Variants in TXNL1 observed in about 807,000 individuals in gnomAD.
TXNL1 encodes thioredoxin-like protein 1.
In TXNL1, 14 loss-of-function variants were observed where a neutral mutation model predicts 35.5. That is an observed-to-expected ratio of 0.39 (90% CI 0.26 to 0.62). The LOEUF (loss-of-function observed/expected upper bound fraction) is 0.62. TXNL1 is among the 20% of genes least tolerant of loss of function. The pLI, the probability that TXNL1 is intolerant of heterozygous loss-of-function variation, is 0.47. For synonymous variants in TXNL1, 110 were observed against 115.5 expected (o/e 0.95, Z 0.31); for missense variants, 263 against 349.7 (o/e 0.75, Z 1.98).
At chr18:56,611,164 A>C in intron 6 of TXNL1, 67 bp from the exon 7 acceptor site, 7 of 1,023,660 alleles carry the variant, frequency 6.8e-6, no homozygotes, top group Non-Finnish European at 1.0e-5. Context: ...AGTTTAATCA[A>C]TTTCCTTAAA....
chr18:56,621,791 G>A (rs1367553564), intron 3 of TXNL1, among the ~76,000 whole-genome samples: 1 of 151,896 alleles, frequency 6.6e-6, no homozygotes, highest in Non-Finnish European at 1.5e-5. Context: ...CCTGAGGTCA[G>A]GAGTTTGAGA....
At chr18:56,612,614 T>C (rs563580181) in intron 6 of TXNL1, among the ~76,000 whole-genome samples, 43 of 152,302 alleles carry the variant, frequency 2.8e-4, no homozygotes, top group African/African-American at 9.9e-4. Context: ...GTGCAAGTGA[T>C]GCCCCTGCCT....
intron 6 of TXNL1, among the ~76,000 whole-genome samples, chr18:56,613,948 AT>A (rs1328473622): frequency 6.6e-6 from 1 of 152,052 alleles, no homozygotes; most frequent in East Asian, 1.9e-4. Context: ...CGGGAAGATT[AT>A]TTGAGCCCAA....
intron 2 of TXNL1, chr18:56,626,094 A>G: frequency 1.2e-6 from 1 of 854,078 alleles, no homozygotes; most frequent in Non-Finnish European, 1.5e-6. Flanking sequence ...AATGTAATAC[A>G]CAGAACTGCT....
intron 1 of TXNL1, among the ~76,000 whole-genome samples, chr18:56,636,112 A>G (rs1428491553): frequency 3.9e-5 from 6 of 152,016 alleles, no homozygotes; most frequent in Non-Finnish European, 8.8e-5. Context: ...TAAATGGTCA[A>G]TTTTATGTTA....
At chr18:56,624,246 C>T (rs375268710) in intron 3 of TXNL1, 42 bp downstream of exon 3, 5 of 1,552,520 alleles carry the variant, frequency 3.2e-6, no homozygotes, top group Non-Finnish European at 3.5e-6. Flanking sequence ...ATGACATGTA[C>T]AAGATATTAT....
intron 3 of TXNL1, among the ~76,000 whole-genome samples, chr18:56,618,587 C>T (rs145969479): frequency 1.8e-4 from 27 of 151,880 alleles, no homozygotes; most frequent in Admixed American, 8.5e-4. Flanking sequence ...TATAGTAAAT[C>T]CCATGTATCC....
chr18:56,609,217 T>C (rs501355), intron 7 of TXNL1: 50,837 of 151,860 alleles, frequency 0.33, 10,630 homozygotes, highest in African/African-American at 0.6. Flanking sequence ...AGAACTGCTA[T>C]CATATGGTAA....
rs1474295717 is a variant in TXNL1 at position 56,599,261 on chromosome 18, CT to C, written c.*3765del. On this transcript the variant is annotated 3_prime_UTR_variant, in exon 8 of 8. Transcript: ENST00000217515. ...ACAAATCTCCACTGTCCTCTTATTCCTATAGTGCTGAGCATGTTAAAAAAAA... is the reference window on the plus strand; with the variant it reads ...ACAAATCTCCACTGTCCTCTTATTCCATAGTGCTGAGCATGTTAAAAAAAA... 1 of 149,948 alleles carries C rather than the reference CT, an allele frequency of 6.7e-6. No homozygotes were observed. Among genetic ancestry groups the C allele is most frequent in the East Asian group, 1.9e-4 (1 of 5,148 alleles). 9.3% of individuals were successfully genotyped at this position (149,948 alleles called of 1,614,324 possible). A position where few individuals can be genotyped will look rare whatever the true frequency, so the allele number is the denominator to read the frequency against.
intron 3 of TXNL1, among the ~76,000 whole-genome samples, chr18:56,620,746 A>G (rs1318828038): frequency 6.6e-6 from 1 of 152,246 alleles, no homozygotes; most frequent in East Asian, 1.9e-4. Flanking sequence ...AAAGATACAA[A>G]TACATACATA....
chr18:56,624,312 C>T lies in TXNL1; in HGVS notation c.345G>A (p.Glu115=). 1.2e-6 allele frequency: 2 copies of T among 1,613,600 alleles called. No individual in the cohort carries two copies. Among genetic ancestry groups the T allele is most frequent in the Non-Finnish European group, 1.7e-6 (2 of 1,179,740 alleles). The stretch of plus-strand genomic sequence containing the variant: ...CATAGCCTTTTGGAATATCTGTGTC[C>T]TCATTGCTTCCAGGGTCATTTTCTA... ...QHLENDPGSN[E]DTDIPKGYMD... The change falls in exon 3 of 8, where the codon GAG becomes GAA. Residue 115 remains glutamate, a synonymous_variant. Coordinates refer to ENST00000217515, the MANE Select transcript of TXNL1 (RefSeq NM_004786.3).
intron 3 of TXNL1, among the ~76,000 whole-genome samples, 154 bp from the exon 4 acceptor site, chr18:56,618,280 TCTGA>T (rs1380132085): frequency 5.9e-5 from 9 of 152,200 alleles, no homozygotes; most frequent in Non-Finnish European, 8.8e-5. Flanking sequence ...CATTTGCATT[TCTGA>T]CTGAGATCTA....
In TXNL1 at chr18:56,618,791, A is replaced by C. The variant is rs184491023; in HGVS notation, c.370-665T>G. ...AAAACATTCTCAATATCATTATCAC[A>C]ATCAATAATTCCTTAACACCATCAA... is the stretch of plus-strand genomic sequence containing the variant. On this transcript the variant is annotated intron_variant, in intron 3 of 7. Transcript: ENST00000217515. Among the ~76,000 whole-genome samples the C allele has an allele frequency of 1.4e-3, 211 of 152,252 alleles. 1 individual carries two copies. The highest frequency in any genetic ancestry group is 3.3e-3 in the Admixed American group (50 of 15,296).
At chr18:56,612,872 A>G (rs1055606935) in intron 6 of TXNL1, among the ~76,000 whole-genome samples, 5 of 151,984 alleles carry the variant, frequency 3.3e-5, no homozygotes, top group East Asian at 1.9e-4. Flanking sequence ...CAACTTGATT[A>G]TAATTTTTTT....
chr18:56,638,410 G>C lies in TXNL1; in HGVS notation c.31C>G (p.Pro11Ala). The stretch of plus-strand genomic sequence containing the variant: ...CCGCTCAGCTCTGGCTGGAAATCCG[G>C]GTCGCTCCCGACGGGCTTCACCCCC... MVGVKPVGSD[P>A]DFQPELSGAG... The change falls in exon 1 of 8, where the codon CCG becomes GCG. Residue 11 changes from proline (P) to alanine (A), a missense_variant. Physicochemically the swap from Pro to Ala is conservative, Grantham distance 27. Transcript: ENST00000217515. The C allele has an allele frequency of 6.2e-7, 1 of 1,613,586 alleles. No homozygotes were observed. The highest frequency in any genetic ancestry group is 8.5e-7 in the Non-Finnish European group (1 of 1,179,742).
intron 1 of TXNL1, among the ~76,000 whole-genome samples, chr18:56,633,853 G>A (rs1449240791): frequency 3.3e-5 from 5 of 151,418 alleles, no homozygotes; most frequent in South Asian, 2.1e-4. Flanking sequence ...GTGTGGTGGC[G>A]CATACCTGTA....
At position 56,636,861 on chromosome 18, in the gene TXNL1, T is replaced by C. The variant is rs532509226; in HGVS notation, c.98+1482A>G. Among the ~76,000 whole-genome samples the C allele has an allele frequency of 7.2e-5, 11 of 152,326 alleles. No individual in the cohort carries two copies. The South Asian group carries it at 1.9e-3, about 26-fold the overall frequency. The stretch of plus-strand genomic sequence containing the variant: ...ACTAAAAGTGAGGTGAGGTTCCTTA[T>C]TGAAATCCTATCTTCCCTTTTCTAC... On this transcript the variant is annotated intron_variant, in intron 1 of 7. Coordinates refer to ENST00000217515, the MANE Select transcript of TXNL1 (RefSeq NM_004786.3).
intron 3 of TXNL1, 51 bp from the exon 4 acceptor site, chr18:56,618,177 A>G: frequency 1.3e-6 from 2 of 1,562,536 alleles, no homozygotes; most frequent in Non-Finnish European, 1.7e-6. Context: ...TAGGTATAAA[A>G]ATGTTTAAAA....
intron 3 of TXNL1, among the ~76,000 whole-genome samples, chr18:56,618,875 G>A (rs999998604): frequency 6.6e-6 from 1 of 151,780 alleles, no homozygotes; most frequent in African/African-American, 2.4e-5. Context: ...ATTGTTACAC[G>A]CAGAATAAAG....
Sources: allele counts gnomAD v4.1 joint callset (sites outside exome capture counted in the v4.1 genomes callset), GRCh38; gene constraint gnomAD v4.1.1; transcripts MANE v1.5; gene names NCBI Gene and HGNC (gene_info 2026-07-23, HGNC 2026-07-21).